The following PRUNE2 variants were observed in gnomAD, a reference collection of about 807,000 sequenced individuals.
PRUNE2 encodes the protein protein prune homolog 2.
In PRUNE2, 164 loss-of-function variants were observed where a neutral mutation model predicts 252.0. The observed-to-expected ratio is 0.65, with a 90% CI of 0.57 to 0.74. The LOEUF (loss-of-function observed/expected upper bound fraction) is 0.74, where lower values mean the gene tolerates loss of function less well. Ranked by LOEUF, PRUNE2 falls within the 30% of genes least tolerant of loss-of-function variation. PRUNE2 has a pLI of 0.00. For synonymous variants in PRUNE2, 1,292 were observed against 1,350.2 expected, an observed-to-expected ratio of 0.96 and a Z score of 0.94; for missense variants, 3,495 against 3,711.0, an observed-to-expected ratio of 0.94 and a Z score of 1.51.
At chr9:76,771,840 G>C (rs1345169615) in intron 6 of PRUNE2, among the ~76,000 whole-genome samples, 2 of 152,118 alleles carry the variant, frequency 1.3e-5, no homozygotes, top group African/African-American at 4.8e-5. Flanking sequence ...CAACCACTCA[G>C]GTGTGGTTTG....
In PRUNE2 at chr9:76,855,435, T is replaced by TA. The variant is rs113081872; in HGVS notation, c.37-1228dup. ...TTAGATTGCTCATGACTATTTTAAT[T>TA]AAAAAAAAAAGTGTTTATATGCAGA... On this transcript the variant is annotated intron_variant, in intron 1 of 18. Transcript: ENST00000376718. Among the ~76,000 whole-genome samples, 121 of 140,014 alleles carry TA rather than the reference T, an allele frequency of 8.6e-4. No homozygotes were observed. In the East Asian group the frequency reaches 0.018, roughly 20 times the overall value. The allele number at this position is 140,014 out of a possible 152,430, so 91.9% of individuals were successfully genotyped here.
Position 76,873,755 on chromosome 9 carries a change from C to T in PRUNE2, c.37-19547G>A, listed in dbSNP as rs116367037. 5.0e-3 allele frequency among the ~76,000 whole-genome samples: 760 copies of T among 152,310 alleles called. 7 individuals are homozygous for T. The highest frequency in any genetic ancestry group is 0.017 in the African/African-American group (727 of 41,568). ...CCAACTATGGACGGGCTACCCGATA[C>T]ACAATATCGATGGCATTTAACACTT... On this transcript the variant is annotated intron_variant, in intron 1 of 18. Transcript: ENST00000376718.
At chr9:76,743,308 T>C (rs2049814247) in intron 6 of PRUNE2, among the ~76,000 whole-genome samples, 1 of 152,202 alleles carries the variant, frequency 6.6e-6, no homozygotes, top group Non-Finnish European at 1.5e-5. Flanking sequence ...CTGACACTAT[T>C]AATATTAAAA....
chr9:76,642,579 G>A (rs1843046701), intron 12 of PRUNE2, among the ~76,000 whole-genome samples: 1 of 152,154 alleles, frequency 6.6e-6, no homozygotes, highest in African/African-American at 2.4e-5. Flanking sequence ...AACTTCCTCA[G>A]AGCAAAATGT....
At chr9:76,779,058 T>C (rs1000907184) in intron 6 of PRUNE2, 4 of 152,212 alleles carry the variant, frequency 2.6e-5, no homozygotes, top group Non-Finnish European at 5.9e-5. Context: ...TATCTCACCT[T>C]TGAAGATACT....
At chr9:76,720,891 A>C (rs1053485512) in intron 6 of PRUNE2, among the ~76,000 whole-genome samples, 2 of 152,152 alleles carry the variant, frequency 1.3e-5, no homozygotes, top group Non-Finnish European at 2.9e-5. Flanking sequence ...AGGCGGGCGG[A>C]TCACAAGATC....
At chr9:76,657,997 A>T (rs1406889421) in intron 9 of PRUNE2, among the ~76,000 whole-genome samples, 1 of 152,192 alleles carries the variant, frequency 6.6e-6, no homozygotes, top group Non-Finnish European at 1.5e-5. Context: ...CACCGGGGGA[A>T]GAAAAATGCT....
Position 76,906,065 on chromosome 9 carries a change from C to T in PRUNE2, c.-102G>A. On this transcript the variant is annotated 5_prime_UTR_variant, in exon 1 of 19. Coordinates refer to ENST00000376718, the MANE Select transcript of PRUNE2 (RefSeq NM_015225.3). ...GTCCCGGGAAAGTGGCCCGCCGGGG[C>T]GCAGCGACCGACTGCTCCCTCCTGC... 1 of 1,292,568 alleles carries T rather than the reference C, an allele frequency of 7.7e-7. No individual in the cohort carries two copies. Among genetic ancestry groups the T allele is most frequent in the Non-Finnish European group, 1.1e-6 (1 of 893,684 alleles). The allele number at this position is 1,292,568 out of a possible 1,614,324, so 80.1% of individuals were successfully genotyped here.
rs1219341790 is a variant in PRUNE2, at chr9:76,706,406, T to G, written c.5868A>C (p.Gln1956His). The G allele has an allele frequency of 6.2e-7, 1 of 1,613,896 alleles. No homozygotes were observed. The highest frequency in any genetic ancestry group is 1.7e-5 in the Admixed American group (1 of 60,006). The change falls in exon 8 of 19, where the codon CAA becomes CAC. Residue 1956 changes from glutamine to histidine, a missense_variant. Gln to His is a conservative substitution (Grantham distance 24). Coordinates refer to ENST00000376718, the MANE Select transcript of PRUNE2 (RefSeq NM_015225.3). ...GCAGCATGGTGTCCTGACACTGCTC[T>G]TGGGTAGGTGTTTCAGGAGTCAGCT... ...GDELTPETPT[Q>H]EQCQDTMLPV...
At chr9:76,745,373 A>G (rs549665625) in intron 6 of PRUNE2, among the ~76,000 whole-genome samples, 3 of 152,312 alleles carry the variant, frequency 2.0e-5, no homozygotes, top group African/African-American at 4.8e-5. Flanking sequence ...AGAGATCACA[A>G]GACGTACAAC....
chr9:76,807,682 T>C (rs995295115), intron 6 of PRUNE2, among the ~76,000 whole-genome samples: 2 of 152,144 alleles, frequency 1.3e-5, no homozygotes, highest in Admixed American at 6.5e-5. Flanking sequence ...GTGATGTTCA[T>C]GGCATTTTCA....
intron 4 of PRUNE2, among the ~76,000 whole-genome samples, chr9:76,831,069 A>C (rs2132105650): frequency 6.6e-6 from 1 of 152,038 alleles, no homozygotes; most frequent in African/African-American, 2.4e-5. Flanking sequence ...AGCTGGGACT[A>C]CAGGCACCCG....
chr9:76,846,366 ACT>A, intron 4 of PRUNE2, 147 bp downstream of exon 4: 1 of 572,012 alleles, frequency 1.7e-6, no homozygotes, highest in Non-Finnish European at 3.0e-6. Context: ...TCTTTAACAA[ACT>A]CTTTACTCCC....
intron 9 of PRUNE2, among the ~76,000 whole-genome samples, chr9:76,664,669 C>T (rs1297266121): frequency 2.0e-5 from 3 of 152,094 alleles, no homozygotes; most frequent in African/African-American, 4.8e-5. Flanking sequence ...TACAGACGTG[C>T]ACCACCATGC....
chr9:76,763,699 G>C (rs1193826051), intron 6 of PRUNE2, among the ~76,000 whole-genome samples: 3 of 152,202 alleles, frequency 2.0e-5, no homozygotes, highest in Admixed American at 6.5e-5. Context: ...AGAAGAGCAG[G>C]TGGGGAGGAG....
At chr9:76,858,774 A>G (rs1246696734) in intron 1 of PRUNE2, among the ~76,000 whole-genome samples, 2 of 149,094 alleles carry the variant, frequency 1.3e-5, no homozygotes, top group Non-Finnish European at 2.9e-5. Context: ...AAAAAAAAAG[A>G]AAGAAAAAAA....
intron 1 of PRUNE2, among the ~76,000 whole-genome samples, chr9:76,893,076 C>G (rs545940834): frequency 6.6e-5 from 10 of 152,128 alleles, no homozygotes; most frequent in African/African-American, 2.4e-4. Flanking sequence ...CTTGTCTCTA[C>G]AAAATAAAAA....
chr9:76,861,952 A>G (rs1348509683), intron 1 of PRUNE2, among the ~76,000 whole-genome samples: 1 of 152,160 alleles, frequency 6.6e-6, no homozygotes, highest in Non-Finnish European at 1.5e-5. Context: ...ATTGTCCTGC[A>G]TAGCCTCCTG....
chr9:76,686,763 T>A (rs2134343977), intron 9 of PRUNE2, among the ~76,000 whole-genome samples: 1 of 152,294 alleles, frequency 6.6e-6, no homozygotes, highest in Middle Eastern at 3.4e-3. Flanking sequence ...GCTAAGTTTT[T>A]AAAAAAAGTT....
Sources: gnomAD v4.1 joint callset for allele counts (sites outside exome capture counted in the v4.1 genomes callset) on GRCh38, gnomAD v4.1.1 for gene constraint, MANE v1.5 for transcripts, NCBI Gene and HGNC (gene_info 2026-07-23, HGNC 2026-07-21) for gene names.